RALGPS1: variants seen among roughly 807,000 people sequenced by gnomAD.
RALGPS1 encodes ras-specific guanine nucleotide-releasing factor RalGPS1.
RALGPS1 carries 19 observed loss-of-function variants against 78.8 expected under a neutral mutation model. That is an observed-to-expected ratio of 0.24 (90% CI 0.17 to 0.35). RALGPS1 has a LOEUF of 0.35. Ranked by LOEUF, RALGPS1 falls within the 10% of genes least tolerant of loss-of-function variation. The pLI, the probability that RALGPS1 is intolerant of heterozygous loss-of-function variation, is 1.00. For synonymous variants in RALGPS1, 228 were observed against 256.3 expected, an observed-to-expected ratio of 0.89 and a Z score of 1.06; for missense variants, 454 against 688.3, an observed-to-expected ratio of 0.66 and a Z score of 3.81.
intron 8 of RALGPS1, among the ~76,000 whole-genome samples, chr9:127,111,318 C>T (rs1210591311): frequency 1.3e-5 from 2 of 152,238 alleles, no homozygotes; most frequent in Non-Finnish European, 2.9e-5. Context: ...CCTCCAGTGT[C>T]CTTATCACCA....
intron 14 of RALGPS1, among the ~76,000 whole-genome samples, chr9:127,202,495 T>A (rs1333609249): frequency 4.6e-5 from 7 of 152,068 alleles, no homozygotes; most frequent in Admixed American, 3.9e-4. Context: ...ATGGGTCTGT[T>A]CCTACTGGAC....
At chr9:127,214,986 C>T in intron 18 of RALGPS1, 144 bp downstream of exon 18, 1 of 1,400,596 alleles carries the variant, frequency 7.1e-7, no homozygotes, top group Non-Finnish European at 9.5e-7. Context: ...AGCATCTTCC[C>T]TTGAGACAAG....
At chr9:127,023,330 C>T (rs751601782) in intron 4 of RALGPS1, among the ~76,000 whole-genome samples, 62 of 152,184 alleles carry the variant, frequency 4.1e-4, no homozygotes, top group African/African-American at 4.3e-4. Flanking sequence ...TTTCAAGACC[C>T]GGTCTGACTC....
At chr9:127,109,551 C>T (rs1376127177) in intron 8 of RALGPS1, among the ~76,000 whole-genome samples, 2 of 152,208 alleles carry the variant, frequency 1.3e-5, no homozygotes, top group Non-Finnish European at 2.9e-5. Context: ...CCAGTGACAG[C>T]ACAGTCCTGA....
chr9:127,145,246 T>C (rs1564660578), intron 8 of RALGPS1, among the ~76,000 whole-genome samples: 1 of 151,798 alleles, frequency 6.6e-6, no homozygotes, highest in Non-Finnish European at 1.5e-5. Flanking sequence ...TCGTCGGTAT[T>C]ATCTCACTGT....
intron 8 of RALGPS1, among the ~76,000 whole-genome samples, chr9:127,115,180 AATT>A (rs112610239): frequency 4.0e-5 from 6 of 151,232 alleles, no homozygotes; most frequent in African/African-American, 7.3e-5. Flanking sequence ...TGTCTTACGT[AATT>A]ATTATTATTA....
At chr9:127,060,349 C>G (rs2049100866) in intron 7 of RALGPS1, among the ~76,000 whole-genome samples, 1 of 152,106 alleles carries the variant, frequency 6.6e-6, no homozygotes, top group Non-Finnish European at 1.5e-5. Flanking sequence ...GACCTCAGAC[C>G]AAGAAATGAG....
chr9:127,172,400 A>G (rs2059611727), intron 10 of RALGPS1, among the ~76,000 whole-genome samples: 1 of 152,202 alleles, frequency 6.6e-6, no homozygotes, highest in Admixed American at 6.5e-5. Context: ...GCTTCATAAG[A>G]GAATGCCTCA....
chr9:126,982,796 T>C (rs1290463515), intron 4 of RALGPS1, among the ~76,000 whole-genome samples: 1 of 150,830 alleles, frequency 6.6e-6, no homozygotes, highest in Non-Finnish European at 1.5e-5. Context: ...CTTCTTCTTC[T>C]TCTTCTTCCT....
At chr9:126,966,025 T>G (rs2039453607) in intron 3 of RALGPS1, 74 bp downstream of exon 3, 1 of 1,091,626 alleles carries the variant, frequency 9.2e-7, no homozygotes, top group Admixed American at 1.7e-5. Flanking sequence ...ACTTAGGCTT[T>G]GGGCTCAGAT....
intron 14 of RALGPS1, among the ~76,000 whole-genome samples, chr9:127,209,622 CGGG>C (rs2062126395): frequency 6.6e-6 from 1 of 152,098 alleles, no homozygotes; most frequent in Non-Finnish European, 1.5e-5. Flanking sequence ...GCAGGAGGCT[CGGG>C]GGCCTGGAGC....
At chr9:126,919,813 T>C (rs2119552034) in intron 1 of RALGPS1, among the ~76,000 whole-genome samples, 1 of 152,298 alleles carries the variant, frequency 6.6e-6, no homozygotes, top group South Asian at 2.1e-4. Context: ...GCTCACATGC[T>C]GTGTGTGGAG....
intron 1 of RALGPS1, among the ~76,000 whole-genome samples, chr9:126,948,511 AC>A (rs1382255354): frequency 6.6e-6 from 1 of 152,000 alleles, no homozygotes; most frequent in Non-Finnish European, 1.5e-5. Flanking sequence ...ACAGAGTGAA[AC>A]TCCATCTCAA....
At chr9:127,003,400 A>T (rs2043532467) in intron 4 of RALGPS1, among the ~76,000 whole-genome samples, 1 of 152,190 alleles carries the variant, frequency 6.6e-6, no homozygotes, top group African/African-American at 2.4e-5. Flanking sequence ...AAAGGACATG[A>T]ACAGACACTT....
At chr9:127,147,284 T>C (rs909792920) in intron 8 of RALGPS1, among the ~76,000 whole-genome samples, 14 of 152,232 alleles carry the variant, frequency 9.2e-5, no homozygotes, top group African/African-American at 3.4e-4. Context: ...TAGGTCTTTG[T>C]CAGATGCATA....
intron 8 of RALGPS1, chr9:127,088,968 T>C (rs773231309): frequency 6.2e-7 from 1 of 1,614,140 alleles, no homozygotes; most frequent in Non-Finnish European, 8.5e-7. Flanking sequence ...TTCGGTCGGA[T>C]CATCATCACC....
At chr9:127,036,940 G>T (rs1184957105) in intron 5 of RALGPS1, among the ~76,000 whole-genome samples, 1 of 152,196 alleles carries the variant, frequency 6.6e-6, no homozygotes, top group Non-Finnish European at 1.5e-5. Context: ...TGGGTCTGCG[G>T]ACAATAGACT....
intron 4 of RALGPS1, among the ~76,000 whole-genome samples, chr9:126,998,107 T>C (rs1162014517): frequency 6.6e-6 from 1 of 152,200 alleles, no homozygotes; most frequent in Non-Finnish European, 1.5e-5. Flanking sequence ...GACATAGGCA[T>C]GGGCAAGGAC....
At chr9:126,985,497 A>T (rs1448706274) in intron 4 of RALGPS1, among the ~76,000 whole-genome samples, 7 of 152,198 alleles carry the variant, frequency 4.6e-5, no homozygotes, top group Non-Finnish European at 1.0e-4. Context: ...GTTGTTACTT[A>T]ATTCCCTTGA....
Sources: gnomAD v4.1 joint callset for allele counts (sites outside exome capture counted in the v4.1 genomes callset) on GRCh38, gnomAD v4.1.1 for gene constraint, MANE v1.5 for transcripts, NCBI Gene and HGNC (gene_info 2026-07-23, HGNC 2026-07-21) for gene names.